Variants in AOAH observed in about 807,000 individuals in gnomAD.
AOAH encodes acyloxyacyl hydrolase, also known as acyloxyacyl hydrolase (neutrophil).
AOAH carries 64 observed loss-of-function variants against 92.2 expected under a neutral mutation model. The ratio of observed to expected loss-of-function variants is 0.69; its 90% CI spans 0.57 to 0.86. The LOEUF (loss-of-function observed/expected upper bound fraction) is 0.86, where lower values mean the gene tolerates loss of function less well. Among genes scored for constraint, AOAH ranks in the 40% least tolerant of loss-of-function variants. The pLI is 0.00. For synonymous variants in AOAH, 263 were observed against 254.5 expected (o/e 1.03, Z -0.32); for missense variants, 656 against 694.6 (o/e 0.94, Z 0.62).
intron 20 of AOAH, among the ~76,000 whole-genome samples, chr7:36,517,944 CCCA>C (rs1783900682): frequency 9.3e-5 from 3 of 32,154 alleles, no homozygotes; most frequent in African/African-American, 7.8e-4. Context: ...CACACACACA[CCCA>C]CACACACACA....
intron 1 of AOAH, among the ~76,000 whole-genome samples, chr7:36,723,017 T>C (rs529162662): frequency 1.3e-5 from 2 of 150,546 alleles, no homozygotes; most frequent in South Asian, 2.1e-4. Context: ...GAGGCCATGA[T>C]TTTGAGGAAG....
chr7:36,536,983 C>T (rs1225060762), intron 16 of AOAH, among the ~76,000 whole-genome samples: 1 of 131,652 alleles, frequency 7.6e-6, no homozygotes, highest in Non-Finnish European at 1.6e-5. Flanking sequence ...AAAAGAATCA[C>T]ACCTTCCTAA....
chr7:36,643,934 C>T (rs1329045278), intron 4 of AOAH, among the ~76,000 whole-genome samples: 1 of 152,152 alleles, frequency 6.6e-6, no homozygotes, highest in African/African-American at 2.4e-5. Flanking sequence ...CTTCCTGGTA[C>T]CGGCCTGCAG....
chr7:36,550,215 G>A (rs1334263715), intron 13 of AOAH: 3 of 152,192 alleles, frequency 2.0e-5, no homozygotes, highest in African/African-American at 7.2e-5. Context: ...AAATTAGCCA[G>A]GCGTGGTGGC....
chr7:36,705,683 C>T (rs1798357703), intron 1 of AOAH, among the ~76,000 whole-genome samples: 1 of 152,138 alleles, frequency 6.6e-6, no homozygotes, highest in Non-Finnish European at 1.5e-5. Flanking sequence ...CCAAGACAAT[C>T]CTAAGCAAAA....
At chr7:36,648,446 C>T (rs1163065297) in intron 4 of AOAH, among the ~76,000 whole-genome samples, 3 of 151,150 alleles carry the variant, frequency 2.0e-5, no homozygotes, top group African/African-American at 7.3e-5. Context: ...TTTTTAGGAG[C>T]TCTTTGATTC....
At chr7:36,533,872 T>C (rs904835024) in intron 16 of AOAH, among the ~76,000 whole-genome samples, 19 of 152,092 alleles carry the variant, frequency 1.2e-4, no homozygotes, top group Non-Finnish European at 2.9e-5. Context: ...CCCCACCTTC[T>C]GTGAGGGCCC....
chr7:36,525,744 C>T (rs1784366309), intron 19 of AOAH, among the ~76,000 whole-genome samples: 1 of 152,096 alleles, frequency 6.6e-6, no homozygotes, highest in African/African-American at 2.4e-5. Flanking sequence ...GCATATATTC[C>T]AAAATCCAAA....
In AOAH at chr7:36,652,205, A is replaced by T. The variant is rs377380106; in HGVS notation, c.390+6961T>A. 1.8e-4 allele frequency among the ~76,000 whole-genome samples: 27 copies of T among 152,346 alleles called. No individual in the cohort carries two copies. The South Asian group carries it at 5.4e-3, about 30-fold the overall frequency. ...ATAAAGTAGTATGGAACAAAAAAAA[A>T]ATAGGACAGAGGCATGTCAAAAGGA... is the stretch of plus-strand genomic sequence containing the variant. On this transcript the variant is annotated intron_variant, in intron 4 of 20. Coordinates refer to ENST00000617537, the MANE Select transcript of AOAH (RefSeq NM_001637.4).
At chr7:36,548,547 G>A (rs1785957092) in intron 15 of AOAH, 65 bp downstream of exon 15, 2 of 1,357,892 alleles carry the variant, frequency 1.5e-6, no homozygotes, top group Non-Finnish European at 2.1e-6. Context: ...TGGAGTTGGT[G>A]AGGAGAGGGT....
intron 6 of AOAH, among the ~76,000 whole-genome samples, chr7:36,624,006 C>T (rs6960883): frequency 0.41 from 61,649 of 152,096 alleles, 12,803 homozygotes; most frequent in Non-Finnish European, 0.46. Flanking sequence ...ATAGGGCATA[C>T]GCTGTAAATG....
chr7:36,632,535 C>A (rs1793196621), intron 5 of AOAH, among the ~76,000 whole-genome samples: 1 of 152,182 alleles, frequency 6.6e-6, no homozygotes, highest in Non-Finnish European at 1.5e-5. Context: ...TCCCTTCCCC[C>A]ACAGAGGAGA....
intron 3 of AOAH, among the ~76,000 whole-genome samples, chr7:36,663,706 T>C (rs751676704): frequency 9.9e-5 from 15 of 152,240 alleles, no homozygotes; most frequent in Non-Finnish European, 2.1e-4. Flanking sequence ...AATTTGTTTA[T>C]ATGATTGGAC....
At position 36,516,891 on chromosome 7, in the gene AOAH, G is replaced by A. The variant is rs779139135; in HGVS notation, c.1600-3511C>T. 6.6e-6 allele frequency among the ~76,000 whole-genome samples: 1 copy of A among 152,188 alleles called. No individual in the cohort carries two copies. Among genetic ancestry groups the A allele is most frequent in the Admixed American group, 6.5e-5 (1 of 15,282 alleles). On this transcript the variant is annotated intron_variant, in intron 20 of 20. Transcript: ENST00000617537. This position sits in a 1 kb window ranked among gnomAD's most constrained non-coding sequence, Gnocchi z 5.0. Reference sequence around the variant, plus strand: ...TGAGCATTTGGTAACTGGTTTGAACGCAATTAGTTGGTTGTCACTCTAATA... The same window carrying A: ...TGAGCATTTGGTAACTGGTTTGAACACAATTAGTTGGTTGTCACTCTAATA...
intron 3 of AOAH, among the ~76,000 whole-genome samples, chr7:36,669,165 C>T (rs541086729): frequency 6.6e-6 from 1 of 152,212 alleles, no homozygotes; most frequent in South Asian, 2.1e-4. Context: ...TGAAAGTGCT[C>T]ATATTTAGAC....
chr7:36,657,353 GT>G (rs1382168723), intron 4 of AOAH, among the ~76,000 whole-genome samples: 1 of 152,154 alleles, frequency 6.6e-6, no homozygotes, highest in Non-Finnish European at 1.5e-5. Context: ...TTCCTCCACT[GT>G]AAAAAGGAGT....
intron 13 of AOAH, among the ~76,000 whole-genome samples, chr7:36,557,937 C>T (rs1046884906): frequency 6.6e-6 from 1 of 152,124 alleles, no homozygotes; most frequent in Non-Finnish European, 1.5e-5. Context: ...TGAATTTCCT[C>T]CTGTAGCTCG....
chr7:36,633,437 A>G lies in AOAH; in HGVS notation c.451-1331T>C, dbSNP rs1444210757. ...GAGTCTTGGGCCCTGCTGCAGACCT[A>G]CAAAATCAGAATCTGCATTTTAACA... On this transcript the variant is annotated intron_variant, in intron 5 of 20. Transcript: ENST00000617537. 2.6e-5 allele frequency among the ~76,000 whole-genome samples: 4 copies of G among 152,334 alleles called. No individual in the cohort carries two copies. In the East Asian group the frequency reaches 7.7e-4, roughly 29 times the overall value.
At chr7:36,587,155 C>T (rs748234301) in intron 12 of AOAH, among the ~76,000 whole-genome samples, 50 of 151,500 alleles carry the variant, frequency 3.3e-4, no homozygotes, top group Non-Finnish European at 6.3e-4. Flanking sequence ...GCCTGTAGTC[C>T]CAGCTACTCG....
Sources: allele counts gnomAD v4.1 joint callset (sites outside exome capture counted in the v4.1 genomes callset), GRCh38; gene constraint gnomAD v4.1.1; non-coding constraint Gnocchi (gnomAD v3.1); transcripts MANE v1.5; gene names NCBI Gene and HGNC (gene_info 2026-07-23, HGNC 2026-07-21).